Variants in CFLAR observed in about 807,000 individuals in gnomAD.
CFLAR encodes CASP8 and FADD like apoptosis regulator.
In CFLAR, 14 loss-of-function variants were observed where a neutral mutation model predicts 51.1. The ratio of observed to expected loss-of-function variants is 0.27; its 90% CI spans 0.18 to 0.43. CFLAR has a LOEUF of 0.43. Ranked by LOEUF, CFLAR falls within the 20% of genes least tolerant of loss-of-function variation. The pLI, the probability that CFLAR is intolerant of heterozygous loss-of-function variation, is 1.00. For synonymous variants in CFLAR, 210 were observed against 211.6 expected (o/e 0.99, Z 0.06); for missense variants, 390 against 566.5 (o/e 0.69, Z 3.16).
chr2:201,120,026 T>TC (rs1403920756), intron 1 of CFLAR, among the ~76,000 whole-genome samples: 72 of 145,856 alleles, frequency 4.9e-4, no homozygotes, highest in African/African-American at 1.7e-3. Flanking sequence ...TTCTTTTCTT[T>TC]TTTTTTTTTT....
At chr2:201,130,353 C>CTTTTTTTTTTTTT (rs771361555) in intron 2 of CFLAR, among the ~76,000 whole-genome samples, 4 of 92,280 alleles carry the variant, frequency 4.3e-5, no homozygotes, top group Non-Finnish European at 6.4e-5. Flanking sequence ...TTCTTTCTTT[C>CTTTTTTTTTTTTT]TTTTTTTTTT....
intron 8 of CFLAR, among the ~76,000 whole-genome samples, chr2:201,158,849 C>CATTATTATT (rs201037431): frequency 0.12 from 16,467 of 143,096 alleles, 1,027 homozygotes; most frequent in South Asian, 0.12. Flanking sequence ...CATTTGCCCT[C>CATTATTATT]ATCATTATTA....
intron 9 of CFLAR, among the ~76,000 whole-genome samples, chr2:201,162,259 C>T (rs1378117999): frequency 3.3e-5 from 5 of 151,752 alleles, no homozygotes; most frequent in South Asian, 2.1e-4. Flanking sequence ...CACACCACTA[C>T]GGCTTTGCTA....
chr2:201,140,138 G>T (rs1938300549), intron 4 of CFLAR: 2 of 303,108 alleles, frequency 6.6e-6, no homozygotes, highest in African/African-American at 2.2e-5. Flanking sequence ...GGCTGGGGGC[G>T]GGGGCTGCGG....
chr2:201,144,017 GAT>G (rs936442195), intron 5 of CFLAR: 28 of 152,090 alleles, frequency 1.8e-4, no homozygotes, highest in African/African-American at 6.5e-4. Context: ...TCTTTGATTT[GAT>G]ATGTTACCTC....
chr2:201,154,164 TCA>T (rs750412624), intron 8 of CFLAR: 1 of 271,834 alleles, frequency 3.7e-6, no homozygotes, highest in South Asian at 2.9e-5. Context: ...CAATCTCAGC[TCA>T]CCGCAATCTC....
intron 8 of CFLAR, among the ~76,000 whole-genome samples, chr2:201,159,444 G>A (rs1440024758): frequency 6.6e-6 from 1 of 151,976 alleles, no homozygotes; most frequent in Non-Finnish European, 1.5e-5. Context: ...TGAGTAGCTG[G>A]GACTACAGGT....
chr2:201,137,939 G>A, intron 4 of CFLAR: 1 of 760,276 alleles, frequency 1.3e-6, no homozygotes, highest in Non-Finnish European at 2.4e-6. Flanking sequence ...CCAGGGCCTT[G>A]ACCACATGCC....
chr2:201,137,733 ACATCCTG>A (rs2050336760), intron 4 of CFLAR: 6 of 796,912 alleles, frequency 7.5e-6, no homozygotes, highest in South Asian at 6.7e-5. Flanking sequence ...GGAGCCCAAG[ACATCCTG>A]CGTGATCTTC....
rs569230323 is a variant in CFLAR, at chr2:201,131,496, A to G, written c.281+1350A>G. Among the ~76,000 whole-genome samples, 72 of 152,322 alleles carry G rather than the reference A, an allele frequency of 4.7e-4. 2 individuals carry two copies. In the South Asian group the frequency reaches 0.014, roughly 31 times the overall value. On this transcript the variant is annotated intron_variant, in intron 2 of 9. Transcript: ENST00000309955. ...AGTGATCTGCCCTCCTTGGCCTCTT[A>G]AAGTGCTGGGATTATAGGTGTGAGC...
rs1939889430 is a variant in CFLAR at position 201,145,308 on chromosome 2, A to G, written c.607-70A>G. 3.6e-6 allele frequency: 3 copies of G among 824,618 alleles called. No individual in the cohort carries two copies. The South Asian group carries it at 4.8e-5, about 13-fold the overall frequency. 51.1% of individuals were successfully genotyped at this position (824,618 alleles called of 1,614,324 possible). On this transcript the variant is annotated intron_variant, in intron 5 of 9. Transcript: ENST00000309955. ...TTAAGAATCCTATTGAGACATTTAA[A>G]GAGGTGTAATGTATAGTGTACCTCT...
chr2:201,128,529 T>C (rs2048928853), intron 1 of CFLAR, among the ~76,000 whole-genome samples: 1 of 152,222 alleles, frequency 6.6e-6, no homozygotes, highest in Non-Finnish European at 1.5e-5. Flanking sequence ...ATATAAAATT[T>C]TTCTATTTAT....
chr2:201,163,919 T>C lies in CFLAR; in HGVS notation c.1389T>C (p.Tyr463=), dbSNP rs771976563. ...WNSRVSAKEK[Y]YVWLQHTLRK... ...GCAGAGTTTCTGCCAAGGAGAAATATTATGTCTGGCTGCAGCACACTCTGA... is the reference window on the plus strand; with the variant it reads ...GCAGAGTTTCTGCCAAGGAGAAATACTATGTCTGGCTGCAGCACACTCTGA... Residue 463 remains tyrosine, a synonymous_variant, in exon 10 of 10, where the codon TAT becomes TAC. Coordinates refer to ENST00000309955, the MANE Select transcript of CFLAR (RefSeq NM_003879.7). 2.5e-6 allele frequency: 4 copies of C among 1,613,982 alleles called. No individual in the cohort carries two copies. In the South Asian group the frequency reaches 4.4e-5, roughly 18 times the overall value.
intron 9 of CFLAR, chr2:201,162,692 A>G: frequency 4.3e-6 from 1 of 234,388 alleles, no homozygotes; most frequent in Non-Finnish European, 8.9e-6. Context: ...GCGATGAGGC[A>G]CACAGGGAGA....
Position 201,170,042 on chromosome 2 carries a change from G to A in CFLAR, c.*6069G>A, listed in dbSNP as rs1943918474. Reference sequence around the variant, plus strand: ...TAGTTCAACCGTTGTGGAAGTGTGTGTGGCTATTCCTCAAAGATCTAGAAC... The same window carrying A: ...TAGTTCAACCGTTGTGGAAGTGTGTATGGCTATTCCTCAAAGATCTAGAAC... On this transcript the variant is annotated 3_prime_UTR_variant, in exon 10 of 10. Transcript: ENST00000309955. The A allele has an allele frequency of 6.6e-6, 1 of 152,212 alleles. No homozygotes were observed. The highest frequency in any genetic ancestry group is 2.4e-5 in the African/African-American group (1 of 41,454). The allele number at this position is 152,212 out of a possible 1,614,324, so 9.4% of individuals were successfully genotyped here.
intron 2 of CFLAR, among the ~76,000 whole-genome samples, chr2:201,131,382 C>T (rs181360164): frequency 1.1e-4 from 17 of 152,158 alleles, no homozygotes; most frequent in Non-Finnish European, 2.4e-4. Flanking sequence ...ATTACAGGCA[C>T]GCACCACTAT....
chr2:201,161,786 G>A (rs1395650170), intron 9 of CFLAR, among the ~76,000 whole-genome samples: 11 of 101,278 alleles, frequency 1.1e-4, no homozygotes, highest in African/African-American at 3.9e-4. Context: ...CACTCTTGTT[G>A]CCCAGGCTGG....
chr2:201,161,422 T>TA (rs1942990806), intron 9 of CFLAR, among the ~76,000 whole-genome samples: 2 of 149,650 alleles, frequency 1.3e-5, no homozygotes, highest in Non-Finnish European at 3.0e-5. Flanking sequence ...TTTTATTTAT[T>TA]TTTTTTTTTG....
At chr2:201,145,716 G>C (rs546188398) in intron 6 of CFLAR, 1 of 324,120 alleles carries the variant, frequency 3.1e-6, no homozygotes, top group African/African-American at 2.1e-5. Flanking sequence ...GCTCTAATCA[G>C]GCCATGTTAA....
Sources: gnomAD v4.1 joint callset for allele counts (sites outside exome capture counted in the v4.1 genomes callset) on GRCh38, gnomAD v4.1.1 for gene constraint, MANE v1.5 for transcripts, NCBI Gene and HGNC (gene_info 2026-07-23, HGNC 2026-07-21) for gene names.